Variants in UNC79 observed in about 807,000 individuals in gnomAD.
UNC79 encodes unc-79 subunit of NALCN channel complex.
UNC79 carries 37 observed loss-of-function variants against 283.1 expected under a neutral mutation model. The ratio of observed to expected loss-of-function variants is 0.13; its 90% CI spans 0.10 to 0.17. The LOEUF (loss-of-function observed/expected upper bound fraction) is 0.17, where lower values mean the gene tolerates loss of function less well. Among genes scored for constraint, UNC79 ranks in the 10% least tolerant of loss-of-function variants. UNC79 has a pLI of 1.00. For synonymous variants in UNC79, 1,107 were observed against 1,200.2 expected (o/e 0.92, Z 1.61); for missense variants, 2,272 against 3,211.1 (o/e 0.71, Z 7.07).
At position 93,611,869 on chromosome 14, in the gene UNC79, T is replaced by A. The variant is rs553762245; in HGVS notation, c.3755-928T>A. On this transcript the variant is annotated intron_variant, in intron 26 of 48. Transcript: ENST00000555664. ...TAAAAAAAAAAAGGACAAGAGTATT[T>A]TGAATAATCCCCAAACCATAAATAT... Among the ~76,000 whole-genome samples the A allele has an allele frequency of 9.1e-4, 138 of 152,206 alleles. 1 individual carries two copies. Among genetic ancestry groups the A allele is most frequent in the African/African-American group, 3.1e-3 (130 of 41,552 alleles).
At chr14:93,656,817 A>G (rs1337116573) in intron 38 of UNC79, among the ~76,000 whole-genome samples, 1 of 152,214 alleles carries the variant, frequency 6.6e-6, no homozygotes, top group Non-Finnish European at 1.5e-5. Flanking sequence ...CAGCCTGGGC[A>G]ACAGAGTGAG....
At chr14:93,694,197 C>G (rs1447887530) in intron 46 of UNC79, 138 bp from the exon 50 acceptor site, 1 of 622,804 alleles carries the variant, frequency 1.6e-6, no homozygotes, top group Admixed American at 3.1e-5. Context: ...GAATGAACAC[C>G]ACTGCCAGTG....
At chr14:93,566,796 T>C (rs1335313165) in intron 14 of UNC79, among the ~76,000 whole-genome samples, 1 of 151,800 alleles carries the variant, frequency 6.6e-6, no homozygotes, top group Non-Finnish European at 1.5e-5. Context: ...CACCACCATG[T>C]CCAGTAGAGA....
chr14:93,424,255 C>T (rs1250996765), intron 1 of UNC79, among the ~76,000 whole-genome samples: 4 of 152,134 alleles, frequency 2.6e-5, no homozygotes, highest in Admixed American at 6.5e-5. Context: ...AACCCTCATA[C>T]ACTCTTGGTG....
intron 1 of UNC79, among the ~76,000 whole-genome samples, chr14:93,432,958 A>G (rs7156513): frequency 0.013 from 2,053 of 152,314 alleles, 52 homozygotes; most frequent in African/African-American, 0.047. Context: ...TGGGCAATGA[A>G]TAAAATCTAT....
At chr14:93,517,624 T>G (rs900691385) in intron 7 of UNC79, among the ~76,000 whole-genome samples, 3 of 152,032 alleles carry the variant, frequency 2.0e-5, no homozygotes, top group African/African-American at 7.2e-5. Flanking sequence ...ATATGGTAAA[T>G]TACATTGATT....
At chr14:93,361,188 G>C (rs2054212973) in intron 1 of UNC79, among the ~76,000 whole-genome samples, 1 of 133,638 alleles carries the variant, frequency 7.5e-6, no homozygotes, top group Non-Finnish European at 1.5e-5. Flanking sequence ...CTCTAGCCTG[G>C]GTGACAGAGC....
chr14:93,399,840 A>ATG (rs911288712), intron 1 of UNC79, among the ~76,000 whole-genome samples: 7 of 152,138 alleles, frequency 4.6e-5, no homozygotes, highest in Admixed American at 6.6e-5. Flanking sequence ...GCATATATAC[A>ATG]TGTGTGTGTA....
intron 4 of UNC79, among the ~76,000 whole-genome samples, chr14:93,485,235 CGTGT>C (rs35445070): frequency 8.3e-5 from 12 of 145,058 alleles, no homozygotes; most frequent in East Asian, 4.0e-4. Context: ...TATATATATA[CGTGT>C]GTGTGTGTGT....
In UNC79 at chr14:93,621,204, G is replaced by T. The variant is rs921759377; in HGVS notation, c.4388-417G>T. On this transcript the variant is annotated intron_variant, in intron 29 of 48. Coordinates refer to ENST00000555664, the Ensembl canonical transcript of UNC79. This position sits in a 1 kb window ranked among gnomAD's most constrained non-coding sequence, Gnocchi z 4.8. ...TATATATACACATTTATATATATAC[G>T]TGAATCGACAGATACATCATTAATG... is the stretch of plus-strand genomic sequence containing the variant. Among the ~76,000 whole-genome samples, 1 of 151,938 alleles carries T rather than the reference G, an allele frequency of 6.6e-6. No individual in the cohort carries two copies. The highest frequency in any genetic ancestry group is 1.5e-5 in the Non-Finnish European group (1 of 67,994).
At chr14:93,637,984 T>C (rs748695419) in intron 32 of UNC79, among the ~76,000 whole-genome samples, 6 of 152,232 alleles carry the variant, frequency 3.9e-5, no homozygotes, top group Non-Finnish European at 8.8e-5. Flanking sequence ...TTCACTTGAA[T>C]TGATGCTGCT....
At chr14:93,622,613 G>T in exon 30 of UNC79, 6 of 1,614,210 alleles carry the variant, frequency 3.7e-6, no homozygotes, top group Non-Finnish European at 4.2e-6. Context: ...TCCCGAAGAT[G>T]CAGAGAACCC....
At chr14:93,650,818 A>G (rs1056069757) in intron 35 of UNC79, among the ~76,000 whole-genome samples, 8 of 152,214 alleles carry the variant, frequency 5.3e-5, no homozygotes, top group African/African-American at 1.9e-4. Context: ...AAAACATTAC[A>G]ATTATTGCTT....
In UNC79 at chr14:93,690,509, G is replaced by C. The variant is rs533303773; in HGVS notation, c.7272+206G>C. ...TCCCCCCGCCCCCAAATTGTTTTTCGGCTTACTTTTATAAAGATAAATCAT... is the reference window on the plus strand; with the variant it reads ...TCCCCCCGCCCCCAAATTGTTTTTCCGCTTACTTTTATAAAGATAAATCAT... On this transcript the variant is annotated intron_variant, in intron 45 of 48. Coordinates refer to ENST00000555664, the Ensembl canonical transcript of UNC79. This position sits in a 1 kb window ranked among gnomAD's most constrained non-coding sequence, Gnocchi z 4.3. 3 of 521,446 alleles carry C rather than the reference G, an allele frequency of 5.8e-6. No homozygotes were observed. The highest frequency in any genetic ancestry group is 6.3e-6 in the Non-Finnish European group (2 of 318,588). 32.3% of individuals were successfully genotyped at this position (521,446 alleles called of 1,614,324 possible). A position where few individuals can be genotyped will look rare whatever the true frequency, so the allele number is the denominator to read the frequency against.
intron 14 of UNC79, among the ~76,000 whole-genome samples, chr14:93,544,404 A>G (rs2061506186): frequency 6.6e-6 from 1 of 152,234 alleles, no homozygotes; most frequent in African/African-American, 2.4e-5. Context: ...CTATCTCCAC[A>G]GCAGCTGAAT....
At chr14:93,613,563 C>T (rs903156124) in intron 27 of UNC79, among the ~76,000 whole-genome samples, 5 of 152,080 alleles carry the variant, frequency 3.3e-5, no homozygotes, top group East Asian at 1.9e-4. Flanking sequence ...TACAGGCGCC[C>T]GCCACCATGC....
intron 1 of UNC79, among the ~76,000 whole-genome samples, chr14:93,452,609 G>A (rs1292903419): frequency 4.0e-5 from 6 of 151,870 alleles, no homozygotes; most frequent in African/African-American, 1.5e-4. Flanking sequence ...GACTGGTCTC[G>A]ACCCCTGACC....
At chr14:93,560,652 C>T (rs764472446) in intron 14 of UNC79, among the ~76,000 whole-genome samples, 32 of 151,778 alleles carry the variant, frequency 2.1e-4, no homozygotes, top group Admixed American at 1.3e-4. Flanking sequence ...CGGTCCCATT[C>T]GCAAATTGAA....
intron 11 of UNC79, among the ~76,000 whole-genome samples, chr14:93,536,221 C>T (rs2061065745): frequency 6.6e-6 from 1 of 152,230 alleles, no homozygotes; most frequent in South Asian, 2.1e-4. Flanking sequence ...CTCTGATCCA[C>T]AGAGCCTATG....
Sources: gnomAD v4.1 joint callset for allele counts (sites outside exome capture counted in the v4.1 genomes callset) on GRCh38, gnomAD v4.1.1 for gene constraint, Gnocchi (gnomAD v3.1) non-coding constraint, MANE v1.5 for transcripts, NCBI Gene and HGNC (gene_info 2026-07-23, HGNC 2026-07-21) for gene names.